WNK3: variants seen among roughly 807,000 people sequenced by gnomAD.
WNK3 encodes the protein serine/threonine-protein kinase WNK3.
A neutral mutation model predicts 116.7 loss-of-function variants in WNK3; 18 were observed. That is an observed-to-expected ratio of 0.15 (90% confidence interval 0.11 to 0.23). The LOEUF is 0.23. Among genes scored for constraint, WNK3 ranks in the 10% least tolerant of loss-of-function variants. The pLI is 1.00. For missense variants in WNK3, 993 were observed against 1,323.8 expected (o/e 0.75, Z 3.88); for synonymous variants, 404 against 469.4 (o/e 0.86, Z 1.80).
At chrX:54,246,618 A>T (rs1557152725) in intron 17 of WNK3, among the ~76,000 whole-genome samples, 2 of 112,286 alleles carry the variant, frequency 1.8e-5, no homozygotes, top group South Asian at 3.7e-4. Context: ...GTGATATACC[A>T]AGATACAGTC....
Position 54,198,484 on chromosome X carries a change from G to A in WNK3, c.5243C>T (p.Ala1748Val), listed in dbSNP as rs199996615. ...TCCTACCCACTGTACTGGATACCCC[G>A]CCCCCGCCACAGCATTATACTGACA... The change falls in exon 24 of 24, where the codon GCG becomes GTG. Residue 1748 changes from alanine (A) to valine (V), a missense_variant. Ala to Val is a moderately conservative substitution (Grantham distance 64). Transcript: ENST00000354646. 9.4e-5 allele frequency: 112 copies of A among 1,190,815 alleles called. No individual in the cohort carries two copies. The highest frequency in any genetic ancestry group is 4.0e-4 in the Admixed American group (18 of 44,833).
intron 1 of WNK3, chrX:54,343,658 C>A (rs2069362764): frequency 9.0e-6 from 1 of 110,620 alleles, no homozygotes; most frequent in Non-Finnish European, 1.9e-5. Context: ...TTTTTAAATC[C>A]CAATATCCAC....
chrX:54,292,927 C>G, exon 10 of WNK3: 3 of 1,210,682 alleles, frequency 2.5e-6, no homozygotes, highest in Middle Eastern at 2.3e-4. Flanking sequence ...ATGGGGAAAC[C>G]TGGGGTTGTG....
intron 21 of WNK3, among the ~76,000 whole-genome samples, chrX:54,229,670 A>T (rs1272522324): frequency 1.8e-5 from 2 of 111,552 alleles, no homozygotes; most frequent in African/African-American, 3.3e-5. Flanking sequence ...TGGTGAAAGG[A>T]CAGACACATA....
chrX:54,211,133 G>C (rs911731693), intron 22 of WNK3, among the ~76,000 whole-genome samples: 1 of 111,700 alleles, frequency 9.0e-6, no homozygotes, highest in East Asian at 2.8e-4. Flanking sequence ...GATAGCCATA[G>C]GGACTTGATA....
chrX:54,305,413 GA>G (rs2068812706), intron 5 of WNK3, among the ~76,000 whole-genome samples: 4 of 111,307 alleles, frequency 3.6e-5, no homozygotes, highest in Non-Finnish European at 7.5e-5. Flanking sequence ...GCAAATACTA[GA>G]AGTCAGCATT....
intron 10 of WNK3, among the ~76,000 whole-genome samples, chrX:54,281,958 T>C (rs1276502637): frequency 1.8e-5 from 2 of 111,199 alleles, no homozygotes; most frequent in African/African-American, 6.5e-5. Context: ...TTCTTTTCGT[T>C]TGGATATATG....
chrX:54,269,899 T>TA (rs1177256948), intron 10 of WNK3, among the ~76,000 whole-genome samples: 4 of 109,318 alleles, frequency 3.7e-5, no homozygotes, highest in African/African-American at 1.0e-4. Context: ...TATACCTTTG[T>TA]AAAAAAAAAT....
intron 22 of WNK3, among the ~76,000 whole-genome samples, chrX:54,215,667 G>A (rs1316407388): frequency 9.0e-6 from 1 of 110,903 alleles, no homozygotes; most frequent in East Asian, 2.8e-4. Context: ...TAGGAAGTGA[G>A]GAGCGTCTCT....
Position 54,293,123 on chromosome X carries a change from G to C in WNK3, c.1887+11C>G. 4 of 1,193,423 alleles carry C rather than the reference G, an allele frequency of 3.4e-6. No individual in the cohort carries two copies. Among genetic ancestry groups the C allele is most frequent in the Non-Finnish European group, 4.5e-6 (4 of 886,105 alleles). On this transcript the variant is annotated intron_variant, in intron 9 of 23. Transcript: ENST00000354646. ...TGATTATATATTTAAAAATATAACA[G>C]TTCACCTCACCCCTGAAACTTGCTG...
At chrX:54,354,750 TA>T (rs782444218) in intron 1 of WNK3, among the ~76,000 whole-genome samples, 1,347 of 111,646 alleles carry the variant, frequency 0.012, 17 homozygotes, top group African/African-American at 0.042. Context: ...TATTTAAAAA[TA>T]AAAAAAATTA....
At chrX:54,350,225 T>C (rs1557178315) in intron 1 of WNK3, among the ~76,000 whole-genome samples, 2 of 110,760 alleles carry the variant, frequency 1.8e-5, no homozygotes, top group African/African-American at 6.5e-5. Context: ...CTGGCTAACA[T>C]GGTGAAACCC....
rs1557150236 is a variant in WNK3, at chrX:54,237,001, C to T, written c.4565G>A (p.Ser1522Asn). 10 of 1,211,388 alleles carry T rather than the reference C, an allele frequency of 8.3e-6. No homozygotes were observed. In the South Asian group the frequency reaches 1.8e-4, roughly 21 times the overall value. Residue 1522 changes from serine (S) to asparagine (N), a missense_variant, in exon 20 of 24, where the codon AGT becomes AAT. Ser to Asn is a conservative substitution (Grantham distance 46). Around this residue, in one of 4 missense-constraint regions of WNK3, gnomAD observed 836 missense variants for 976.5 expected, o/e 0.86. Coordinates refer to ENST00000354646, the Ensembl canonical transcript of WNK3. ...ATCCTCTATTTCTGATTCATCATCA[C>T]TGCTCATTGGGGAAGATGGCGAATA...
Position 54,194,593 on chromosome X carries a change from C to CA in WNK3, c.*3730dup, listed in dbSNP as rs782684259. 2.7e-5 allele frequency: 3 copies of CA among 111,556 alleles called. No individual in the cohort carries two copies. In the East Asian group the frequency reaches 8.4e-4, roughly 31 times the overall value. 9.2% of individuals were successfully genotyped at this position (111,556 alleles called of 1,213,427 possible). A position where few individuals can be genotyped will look rare whatever the true frequency, so the allele number is the denominator to read the frequency against. On this transcript the variant is annotated 3_prime_UTR_variant, in exon 24 of 24. Transcript: ENST00000354646. ...CAATTATTCTTCTGCTCTCCACCCC[C>CA]AAATCCCCAAAGCATATTTCACAGA... is the stretch of plus-strand genomic sequence containing the variant.
intron 10 of WNK3, among the ~76,000 whole-genome samples, chrX:54,283,208 C>T (rs1479201206): frequency 9.0e-6 from 1 of 111,541 alleles, no homozygotes; most frequent in African/African-American, 3.3e-5. Flanking sequence ...CTTTGGGAGG[C>T]CAAGGTGGGA....
chrX:54,243,420 CAAAAAAAAAAAAAAA>C (rs782696727), intron 17 of WNK3, among the ~76,000 whole-genome samples: 102 of 16,843 alleles, frequency 6.1e-3, no homozygotes, highest in African/African-American at 0.018. Flanking sequence ...GACTCCGTCT[CAAAAAAAAAAAAAAA>C]AAAAAAAAAG....
At chrX:54,342,889 C>T (rs1426051052) in intron 1 of WNK3, among the ~76,000 whole-genome samples, 4 of 109,695 alleles carry the variant, frequency 3.6e-5, no homozygotes, top group African/African-American at 9.9e-5. Context: ...ACTCTGTTAC[C>T]CAGGATGGAG....
At chrX:54,281,811 T>TATACATGTATGTATATGCACACAC (rs2068519334) in intron 10 of WNK3, among the ~76,000 whole-genome samples, 6 of 111,229 alleles carry the variant, frequency 5.4e-5, no homozygotes, top group East Asian at 2.9e-4. Context: ...TATACACACA[T>TATACATGTATGTATATGCACACAC]ATACATGTAT....
intron 18 of WNK3, 74 bp downstream of exon 18, chrX:54,238,794 T>C: frequency 1.2e-6 from 1 of 848,614 alleles, no homozygotes; most frequent in Admixed American, 4.2e-5. Flanking sequence ...AAGATTTGTA[T>C]ATGAACAACA....
Sources: gnomAD v4.1 joint callset for allele counts (sites outside exome capture counted in the v4.1 genomes callset) on GRCh38, gnomAD v4.1.1 for gene constraint, gnomAD v4.1.1 regional missense constraint, MANE v1.5 for transcripts, NCBI Gene and HGNC (gene_info 2026-07-23, HGNC 2026-07-21) for gene names.